TENM2: variants seen among roughly 807,000 people sequenced by gnomAD.
The protein encoded by TENM2 is teneurin-2.
TENM2 carries 52 observed loss-of-function variants against 245.2 expected under a neutral mutation model. That is an observed-to-expected ratio of 0.21 (90% CI 0.17 to 0.27). The LOEUF (loss-of-function observed/expected upper bound fraction) is 0.27, where lower values mean the gene tolerates loss of function less well. TENM2 is among the 10% of genes least tolerant of loss of function. The probability of loss-of-function intolerance (pLI) is 1.00; values close to 1 mark genes in which losing one functional copy is unlikely to be tolerated. For missense variants in TENM2, 3,046 were observed against 3,666.8 expected, an observed-to-expected ratio of 0.83 and a Z score of 4.37; for synonymous variants, 1,363 against 1,438.9, an observed-to-expected ratio of 0.95 and a Z score of 1.19.
chr5:167,613,008 A>T (rs1288743569), intron 2 of TENM2, among the ~76,000 whole-genome samples: 2 of 152,184 alleles, frequency 1.3e-5, no homozygotes, highest in Non-Finnish European at 2.9e-5. Flanking sequence ...GGCAGATCTC[A>T]GCAGGTAAAG....
intron 6 of TENM2, among the ~76,000 whole-genome samples, chr5:168,057,185 C>T (rs1562104900): frequency 6.6e-6 from 1 of 152,086 alleles, no homozygotes; most frequent in African/African-American, 2.4e-5. Flanking sequence ...GCTTGTTTAA[C>T]AATATGGATA....
chr5:167,410,552 GAA>G (rs33991290), intron 2 of TENM2, among the ~76,000 whole-genome samples: 40 of 148,538 alleles, frequency 2.7e-4, no homozygotes, highest in Middle Eastern at 3.5e-3. Context: ...TCTTACAAAA[GAA>G]AAAAAAAAAT....
At chr5:167,768,117 T>C (rs1251135634) in intron 2 of TENM2, among the ~76,000 whole-genome samples, 1 of 152,184 alleles carries the variant, frequency 6.6e-6, no homozygotes, top group Non-Finnish European at 1.5e-5. Flanking sequence ...CTACTCCCGT[T>C]CCCCTGTGCT....
intron 2 of TENM2, among the ~76,000 whole-genome samples, chr5:167,475,677 T>G (rs1274097534): frequency 6.6e-6 from 1 of 151,838 alleles, no homozygotes; most frequent in Non-Finnish European, 1.5e-5. Flanking sequence ...GGCCCCAGTG[T>G]GTGATGTTCC....
At chr5:167,126,239 G>A in the TENM2 span, among the ~76,000 whole-genome samples, 1 of 152,142 alleles carries the variant, frequency 6.6e-6, no homozygotes, top group Non-Finnish European at 1.5e-5. Context: ...CGTGGGCTTA[G>A]GGAGGGGAGA....
At chr5:167,895,717 C>T (rs1173200975) in intron 3 of TENM2, among the ~76,000 whole-genome samples, 1 of 152,328 alleles carries the variant, frequency 6.6e-6, no homozygotes, top group East Asian at 1.9e-4. Context: ...CCAGGTGATG[C>T]CTGTTTCTCT....
chr5:167,277,857 G>A, the TENM2 span, among the ~76,000 whole-genome samples: 1 of 151,896 alleles, frequency 6.6e-6, no homozygotes, highest in Non-Finnish European at 1.5e-5. Context: ...CTTTTATAAT[G>A]CTCCTTTCTG....
chr5:168,158,298 G>A (rs1224635384), intron 12 of TENM2, among the ~76,000 whole-genome samples: 1 of 152,082 alleles, frequency 6.6e-6, no homozygotes. Context: ...CCTGGGAAGA[G>A]GACTTTTGAT....
In TENM2 at chr5:167,906,983, C is replaced by T. The variant is rs555750375; in HGVS notation, c.712+30788C>T. ...CGCAGTGGCTCACGCCTGTAATCTC[C>T]GCACTTTGGGAGGCTGAGGCAGGCG... On this transcript the variant is annotated intron_variant, in intron 3 of 28. Coordinates refer to ENST00000518659, the Ensembl canonical transcript of TENM2. Among the ~76,000 whole-genome samples the T allele has an allele frequency of 2.4e-3, 362 of 152,192 alleles. 1 individual carries two copies. The highest frequency in any genetic ancestry group is 8.4e-3 in the African/African-American group (347 of 41,516).
At chr5:167,261,588 A>T in the TENM2 span, among the ~76,000 whole-genome samples, 1 of 152,174 alleles carries the variant, frequency 6.6e-6, no homozygotes, top group African/African-American at 2.4e-5. Flanking sequence ...GAGAAAGTAG[A>T]AAGTAGTTTT....
chr5:167,594,495 G>A (rs1368223063), intron 2 of TENM2, among the ~76,000 whole-genome samples: 1 of 152,120 alleles, frequency 6.6e-6, no homozygotes, highest in African/African-American at 2.4e-5. Context: ...ATTCTATCAG[G>A]ACATTCAATT....
At chr5:168,030,021 G>T (rs1409937840) in intron 5 of TENM2, among the ~76,000 whole-genome samples, 1 of 152,094 alleles carries the variant, frequency 6.6e-6, no homozygotes, top group Non-Finnish European at 1.5e-5. Context: ...TTGGAGGGGG[G>T]CACTGAGTCT....
chr5:168,071,744 G>A (rs897138937), intron 7 of TENM2, among the ~76,000 whole-genome samples: 5 of 152,050 alleles, frequency 3.3e-5, no homozygotes, highest in Admixed American at 6.6e-5. Flanking sequence ...GAGTGGAATT[G>A]CCAGCTCAAA....
At position 167,357,169 on chromosome 5, in the gene TENM2, G is replaced by A. The variant is rs116439202; in HGVS notation, c.227-18029G>A. On this transcript the variant is annotated intron_variant, in intron 1 of 28. Coordinates refer to ENST00000518659, the Ensembl canonical transcript of TENM2. ...TCTGAAAATAGTAGAAATTTGTAAC[G>A]TAATACTAATTGATTACTGTGGATT... 3.9e-3 allele frequency among the ~76,000 whole-genome samples: 593 copies of A among 152,218 alleles called. 1 individual carries two copies. The highest frequency in any genetic ancestry group is 0.021 in the Middle Eastern group (6 of 292).
At chr5:167,634,827 A>G (rs934342434) in intron 2 of TENM2, among the ~76,000 whole-genome samples, 4 of 152,140 alleles carry the variant, frequency 2.6e-5, no homozygotes, top group African/African-American at 7.2e-5. Flanking sequence ...TATGGCTACA[A>G]TCATAGAGAT....
At position 168,114,506 on chromosome 5, in the gene TENM2, C is replaced by T. The variant is rs967264669; in HGVS notation, c.1814-3786C>T. ...CTCTTGAACAAAACATCAGCCTGAC[C>T]TCAGATACTGGGATGCTCTGGGTTG... On this transcript the variant is annotated intron_variant, in intron 9 of 28. Transcript: ENST00000518659. Among the ~76,000 whole-genome samples, 6 of 152,312 alleles carry T rather than the reference C, an allele frequency of 3.9e-5. No individual in the cohort carries two copies. In the East Asian group the frequency reaches 9.6e-4, roughly 24 times the overall value.
chr5:166,979,705 T>C, the TENM2 span, among the ~76,000 whole-genome samples: 1 of 152,102 alleles, frequency 6.6e-6, no homozygotes, highest in Non-Finnish European at 1.5e-5. Flanking sequence ...TATTTTTTTT[T>C]CCTCCTTCAT....
the TENM2 span, among the ~76,000 whole-genome samples, chr5:167,137,667 A>G: frequency 1.2e-3 from 182 of 152,334 alleles, no homozygotes; most frequent in African/African-American, 3.8e-3. Flanking sequence ...ATTGCAGCTC[A>G]TACTAACTCC....
chr5:167,613,920 T>C (rs1777626106), intron 2 of TENM2, among the ~76,000 whole-genome samples: 1 of 152,148 alleles, frequency 6.6e-6, no homozygotes, highest in African/African-American at 2.4e-5. Context: ...AAAAAAATTA[T>C]TCATGTTTAT....
Sources: gnomAD v4.1 joint callset for allele counts (sites outside exome capture counted in the v4.1 genomes callset) on GRCh38, gnomAD v4.1.1 for gene constraint, MANE v1.5 for transcripts, NCBI Gene and HGNC (gene_info 2026-07-23, HGNC 2026-07-21) for gene names.